Variants in BDH2 observed in about 807,000 individuals in gnomAD.
BDH2 encodes 3-hydroxybutyrate dehydrogenase 2, also known as dehydrogenase/reductase SDR family member 6.
Under a neutral mutation model 33.2 loss-of-function variants are expected in BDH2, and 24 were observed. The observed-to-expected ratio is 0.72, with a 90% CI of 0.52 to 1.02. The LOEUF is 1.02. Ranked by LOEUF, BDH2 falls within the 50% of genes least tolerant of loss-of-function variation. The pLI, the probability that BDH2 is intolerant of heterozygous loss-of-function variation, is 0.00. For synonymous variants in BDH2, 81 were observed against 101.6 expected (o/e 0.80, Z 1.22); for missense variants, 249 against 301.6 (o/e 0.83, Z 1.29).
Position 103,091,088 on chromosome 4 carries a change from C to G in BDH2, c.357+89G>C, listed in dbSNP as rs950027979. 97 of 726,820 alleles carry G rather than the reference C, an allele frequency of 1.3e-4. No homozygotes were observed. The African/African-American group carries it at 1.4e-3, about 10-fold the overall frequency. 45.0% of individuals were successfully genotyped at this position (726,820 alleles called of 1,614,324 possible). A position where few individuals can be genotyped will look rare whatever the true frequency, so the allele number is the denominator to read the frequency against. On this transcript the variant is annotated intron_variant, in intron 5 of 9. Transcript: ENST00000296424. ...TTAATCATTGTGTTAGTTATTATCA[C>G]TCTTCAGCACATGTGGGAATCCCTT...
intron 6 of BDH2, 192 bp from the exon 7 acceptor site, chr4:103,085,654 T>TA: frequency 6.6e-7 from 1 of 1,503,778 alleles, no homozygotes; most frequent in South Asian, 1.2e-5. Context: ...ATAATATCAG[T>TA]ATAGGCACAA....
chr4:103,082,075 G>T lies in BDH2; in HGVS notation c.684+6C>A. Reference sequence around the variant, plus strand: ...TAATGAACTCCTTGGGAAGAATAGTGCTTACTTCATCAGAAGCCAAATACA... The same window carrying T: ...TAATGAACTCCTTGGGAAGAATAGTTCTTACTTCATCAGAAGCCAAATACA... On this transcript the variant is annotated splice_donor_region_variant and intron_variant, in intron 9 of 9. Coordinates refer to ENST00000296424, the MANE Select transcript of BDH2 (RefSeq NM_020139.4). The T allele has an allele frequency of 6.2e-7, 1 of 1,611,784 alleles. No homozygotes were observed. The highest frequency in any genetic ancestry group is 8.5e-7 in the Non-Finnish European group (1 of 1,177,878).
At chr4:103,090,209 T>C (rs1748012877) in intron 5 of BDH2, among the ~76,000 whole-genome samples, 1 of 152,230 alleles carries the variant, frequency 6.6e-6, no homozygotes, top group Non-Finnish European at 1.5e-5. Context: ...CTGCACTGTC[T>C]GCTACTACTG....
rs1298067852 is a variant in BDH2, at chr4:103,078,658, C to T, written c.*1044G>A. Among the ~76,000 whole-genome samples the T allele has an allele frequency of 6.6e-6, 1 of 152,136 alleles. No individual in the cohort carries two copies. Among genetic ancestry groups the T allele is most frequent in the Non-Finnish European group, 1.5e-5 (1 of 68,022 alleles). Reference sequence around the variant, plus strand: ...GCTATTGAAGCCAAACTCCTTCCTACCTTTGTTCATTTATGATGGTGTAAA... The same window carrying T: ...GCTATTGAAGCCAAACTCCTTCCTATCTTTGTTCATTTATGATGGTGTAAA... On this transcript the variant is annotated 3_prime_UTR_variant, in exon 10 of 10. Transcript: ENST00000296424.
chr4:103,086,309 C>A, intron 6 of BDH2, 171 bp downstream of exon 6: 2 of 1,331,538 alleles, frequency 1.5e-6, no homozygotes, highest in Non-Finnish European at 1.9e-6. Flanking sequence ...TGGCTCACAT[C>A]GAGAGCAAAA....
At chr4:103,081,599 A>G (rs564146165) in intron 9 of BDH2, among the ~76,000 whole-genome samples, 4 of 152,312 alleles carry the variant, frequency 2.6e-5, no homozygotes, top group Admixed American at 2.0e-4. Context: ...CCCGGCCACA[A>G]GTAAGAATTA....
chr4:103,096,120 C>A, intron 2 of BDH2, 63 bp downstream of exon 2: 1 of 1,204,782 alleles, frequency 8.3e-7, no homozygotes, highest in South Asian at 1.3e-5. Flanking sequence ...TGGCATCAGT[C>A]CACATAATTC....
intron 7 of BDH2, among the ~76,000 whole-genome samples, chr4:103,084,489 A>G (rs1270017551): frequency 2.0e-5 from 3 of 152,216 alleles, no homozygotes; most frequent in African/African-American, 4.8e-5. Context: ...GTTTGATAAC[A>G]TATTTTCCAA....
rs1412379402 is a variant in BDH2, at chr4:103,085,382, G to C, written c.499C>G (p.Gln167Glu). ...LTKSVAADFIQQGIRCNCVCP... is the reference protein window; with the variant it reads ...LTKSVAADFIEQGIRCNCVCP... ...ACACAGTTGCACCTGATGCCCTGCT[G>C]GATGAAATCTGCAGCCACAGATTTT... The change falls in exon 7 of 10, where the codon CAG (glutamine) becomes GAG (glutamate). Residue 167 changes from glutamine to glutamate, a missense_variant. Physicochemically the swap from Gln to Glu is conservative, Grantham distance 29. Coordinates refer to ENST00000296424, the MANE Select transcript of BDH2 (RefSeq NM_020139.4). The C allele has an allele frequency of 3.7e-6, 6 of 1,611,752 alleles. No homozygotes were observed. Among genetic ancestry groups the C allele is most frequent in the Non-Finnish European group, 4.2e-6 (5 of 1,179,582 alleles).
chr4:103,079,790 A>C, intron 9 of BDH2, 35 bp from the exon 10 acceptor site: 7 of 1,594,446 alleles, frequency 4.4e-6, no homozygotes, highest in Non-Finnish European at 6.0e-6. Flanking sequence ...AGAACAATTA[A>C]CCAGGTTTGA....
At chr4:103,081,592 G>A (rs776346078) in intron 9 of BDH2, among the ~76,000 whole-genome samples, 2 of 152,134 alleles carry the variant, frequency 1.3e-5, no homozygotes, top group Non-Finnish European at 2.9e-5. Flanking sequence ...CACCATGCCC[G>A]GCCACAAGTA....
chr4:103,081,048 G>A (rs940936778), intron 9 of BDH2, among the ~76,000 whole-genome samples: 3 of 152,128 alleles, frequency 2.0e-5, no homozygotes, highest in East Asian at 1.9e-4. Flanking sequence ...TTCCCTCCTC[G>A]CTCCCGCCTA....
At chr4:103,094,754 T>A (rs1302625248) in intron 3 of BDH2, among the ~76,000 whole-genome samples, 1 of 151,960 alleles carries the variant, frequency 6.6e-6, no homozygotes, top group Non-Finnish European at 1.5e-5. Context: ...TAAAAGAAAA[T>A]ATATTATTAA....
At chr4:103,091,747 A>G (rs1748105517) in intron 4 of BDH2, 2 of 432,516 alleles carry the variant, frequency 4.6e-6, no homozygotes, top group Non-Finnish European at 4.6e-6. Flanking sequence ...CCTGTTTCAG[A>G]AAAAAAAAAG....
chr4:103,086,069 A>C, intron 6 of BDH2: 1 of 1,125,006 alleles, frequency 8.9e-7, no homozygotes, highest in Non-Finnish European at 1.1e-6. Flanking sequence ...CTTTGTACAA[A>C]CCTCTGTTAT....
intron 3 of BDH2, among the ~76,000 whole-genome samples, chr4:103,093,196 T>C (rs931503831): frequency 3.3e-5 from 5 of 152,180 alleles, no homozygotes; most frequent in Middle Eastern, 3.2e-3. Context: ...TGCTGGTACC[T>C]ATACAGTAAT....
intron 5 of BDH2, among the ~76,000 whole-genome samples, chr4:103,090,630 GGAT>G (rs770058885): frequency 1.8e-4 from 27 of 152,132 alleles, no homozygotes; most frequent in Non-Finnish European, 3.7e-4. Flanking sequence ...TCTGAACAAT[GGAT>G]GAGATAATAG....
In BDH2 at chr4:103,078,620, C is replaced by T. The variant is rs567868455; in HGVS notation, c.*1082G>A. ...CGTTTTGAGGCTGAACTCCTTTACTCCTTTTACTGTAAGCTATTGAAGCCA... is the reference window on the plus strand; with the variant it reads ...CGTTTTGAGGCTGAACTCCTTTACTTCTTTTACTGTAAGCTATTGAAGCCA... On this transcript the variant is annotated 3_prime_UTR_variant, in exon 10 of 10. Coordinates refer to ENST00000296424, the MANE Select transcript of BDH2 (RefSeq NM_020139.4). Among the ~76,000 whole-genome samples, 2 of 152,240 alleles carry T rather than the reference C, an allele frequency of 1.3e-5. No individual in the cohort carries two copies. Among genetic ancestry groups the T allele is most frequent in the African/African-American group, 4.8e-5 (2 of 41,542 alleles).
chr4:103,099,670 C>G (rs1748562018), intron 1 of BDH2, 113 bp downstream of exon 1: 1 of 152,140 alleles, frequency 6.6e-6, no homozygotes, highest in Non-Finnish European at 1.5e-5. Context: ...ACTGATCTAA[C>G]TGCTCAGATT....
Sources: gnomAD v4.1 joint callset for allele counts (sites outside exome capture counted in the v4.1 genomes callset) on GRCh38, gnomAD v4.1.1 for gene constraint, MANE v1.5 for transcripts, NCBI Gene and HGNC (gene_info 2026-07-23, HGNC 2026-07-21) for gene names.